PBX1: variants seen among roughly 807,000 people sequenced by gnomAD.
The protein encoded by PBX1 is PBX homeobox 1.
A neutral mutation model predicts 53.4 loss-of-function variants in PBX1; 6 were observed. That is an observed-to-expected ratio of 0.11 (90% CI 0.06 to 0.22). The LOEUF (loss-of-function observed/expected upper bound fraction) is 0.22, where lower values mean the gene tolerates loss of function less well. Among genes scored for constraint, PBX1 ranks in the 10% least tolerant of loss-of-function variants. The probability of loss-of-function intolerance (pLI) is 1.00; values close to 1 mark genes in which losing one functional copy is unlikely to be tolerated. For synonymous variants in PBX1, 204 were observed against 212.3 expected, an observed-to-expected ratio of 0.96 and a Z score of 0.34; for missense variants, 251 against 551.4, an observed-to-expected ratio of 0.46 and a Z score of 5.46.
At chr1:164,701,107 A>G (rs1780346) in intron 2 of PBX1, among the ~76,000 whole-genome samples, 34,870 of 152,108 alleles carry the variant, frequency 0.23, 4,270 homozygotes, top group East Asian at 0.46. Context: ...TCCAACTCCT[A>G]ATCTTTTCAG....
At chr1:164,600,019 C>T (rs1012793336) in intron 2 of PBX1, among the ~76,000 whole-genome samples, 1 of 152,248 alleles carries the variant, frequency 6.6e-6, no homozygotes. Flanking sequence ...AGACCCAAAT[C>T]GTCCTGGCAT....
intron 8 of PBX1, among the ~76,000 whole-genome samples, chr1:164,833,513 G>A (rs1670871969): frequency 6.6e-6 from 1 of 152,136 alleles, no homozygotes; most frequent in South Asian, 2.1e-4. Context: ...ACCTAGCTCA[G>A]GCCTATCTTC....
intron 2 of PBX1, chr1:164,683,243 T>A (rs1438597074): frequency 2.0e-5 from 3 of 152,206 alleles, no homozygotes; most frequent in African/African-American, 7.2e-5. Context: ...AAGTGGTATG[T>A]CCTGAGACAG....
At chr1:164,623,629 T>TA (rs1657838294) in intron 2 of PBX1, among the ~76,000 whole-genome samples, 1 of 152,176 alleles carries the variant, frequency 6.6e-6, no homozygotes, top group Admixed American at 6.5e-5. Flanking sequence ...GCATCTCCTC[T>TA]CTGTGCTTGC....
rs1571552204 is a variant in PBX1 at position 164,875,807 on chromosome 1, A to T, written n.258-23381A>T. ...TTTGCATGATTTTCATGTCTGTCAC[A>T]GAACTGGAATGTAATCTTGTATTGG... On this transcript the variant is annotated intron_variant and non_coding_transcript_variant, in intron 2 of 2. Coordinates refer to the PBX1 transcript ENST00000558796. Among the ~76,000 whole-genome samples the T allele has an allele frequency of 2.6e-5, 4 of 152,156 alleles. No individual in the cohort carries two copies. In the East Asian group the frequency reaches 7.7e-4, roughly 29 times the overall value.
intron 2 of PBX1, among the ~76,000 whole-genome samples, chr1:164,686,224 CTT>C (rs949253581): frequency 3.9e-5 from 6 of 152,318 alleles, no homozygotes; most frequent in Admixed American, 2.0e-4. Context: ...CCACTGTACT[CTT>C]TTCAGATGAA....
chr1:164,602,785 C>T (rs1302584106), intron 2 of PBX1, among the ~76,000 whole-genome samples: 2 of 151,810 alleles, frequency 1.3e-5, no homozygotes, highest in South Asian at 4.2e-4. Context: ...GGGGAGCTCT[C>T]TAGGCACCTA....
At chr1:164,632,527 A>G (rs774391792) in intron 2 of PBX1, among the ~76,000 whole-genome samples, 2 of 152,162 alleles carry the variant, frequency 1.3e-5, no homozygotes, top group Non-Finnish European at 2.9e-5. Flanking sequence ...AACCTTGAGT[A>G]TATAGTTTCA....
At chr1:164,842,024 A>G (rs908304104) in intron 8 of PBX1, among the ~76,000 whole-genome samples, 3 of 152,218 alleles carry the variant, frequency 2.0e-5, no homozygotes, top group Non-Finnish European at 4.4e-5. Context: ...GGGCTGTCAC[A>G]TCAGGTGATG....
chr1:164,707,232 A>C (rs1167758092), intron 2 of PBX1, among the ~76,000 whole-genome samples: 1 of 152,180 alleles, frequency 6.6e-6, no homozygotes, highest in African/African-American at 2.4e-5. Flanking sequence ...AAATCTTCCC[A>C]AGGTTTTAAC....
chr1:164,584,363 A>AAGAGAGAG (rs61298874), intron 2 of PBX1, among the ~76,000 whole-genome samples: 1 of 147,916 alleles, frequency 6.8e-6, no homozygotes, highest in Admixed American at 6.7e-5. Flanking sequence ...GAGAGAGAGA[A>AAGAGAGAG]AGAGAGAGAG....
Position 164,849,036 on chromosome 1 carries a change from G to A in PBX1, c.*2360G>A. On this transcript the variant is annotated 3_prime_UTR_variant, in exon 9 of 9. Transcript: ENST00000420696. ...TTTTGTGACAACTTCATAGTGATTA[G>A]AATCAGTGGAGAACTCCATCTTAGT... 2 of 1,238,240 alleles carry A rather than the reference G, an allele frequency of 1.6e-6. No individual in the cohort carries two copies. Among genetic ancestry groups the A allele is most frequent in the Non-Finnish European group, 2.0e-6 (2 of 983,576 alleles). The allele number at this position is 1,238,240 out of a possible 1,614,324, so 76.7% of individuals were successfully genotyped here.
In PBX1 at chr1:164,849,473, T is replaced by C. The variant is rs1190994237; in HGVS notation, c.*2797T>C. The C allele has an allele frequency of 1.3e-6, 2 of 1,532,458 alleles. No individual in the cohort carries two copies. The highest frequency in any genetic ancestry group is 2.4e-5 in the East Asian group (1 of 40,846). 94.9% of individuals were successfully genotyped at this position (1,532,458 alleles called of 1,614,324 possible). On this transcript the variant is annotated 3_prime_UTR_variant, in exon 9 of 9. Coordinates refer to ENST00000420696, the MANE Select transcript of PBX1 (RefSeq NM_002585.4). ...GATGGGTTTGGAAAGAGCATGCCTCTGGAAACACAGCTTCCTGGGAATTCA... is the reference window on the plus strand; with the variant it reads ...GATGGGTTTGGAAAGAGCATGCCTCCGGAAACACAGCTTCCTGGGAATTCA...
At chr1:164,580,997 A>C (rs1395104728) in intron 2 of PBX1, among the ~76,000 whole-genome samples, 1 of 152,162 alleles carries the variant, frequency 6.6e-6, no homozygotes, top group Admixed American at 6.5e-5. Context: ...GAAGTCCAGC[A>C]TTTTGACAGA....
intron 8 of PBX1, among the ~76,000 whole-genome samples, chr1:164,845,963 A>G (rs1389790244): frequency 6.6e-6 from 1 of 152,164 alleles, no homozygotes; most frequent in Non-Finnish European, 1.5e-5. Flanking sequence ...CTTCATAGCA[A>G]TGGGACTCTA....
chr1:164,648,309 G>A (rs1486647656), intron 2 of PBX1, among the ~76,000 whole-genome samples: 1 of 152,174 alleles, frequency 6.6e-6, no homozygotes, highest in East Asian at 1.9e-4. Context: ...CCAAGCTCTA[G>A]GTTATTCTTA....
chr1:164,755,260 C>T (rs1666449488), intron 2 of PBX1, among the ~76,000 whole-genome samples: 1 of 152,188 alleles, frequency 6.6e-6, no homozygotes, highest in Non-Finnish European at 1.5e-5. Flanking sequence ...AAGCGATTCT[C>T]CTGCCTCTGC....
chr1:164,731,247 A>T (rs544510106), intron 2 of PBX1, among the ~76,000 whole-genome samples: 110 of 140,536 alleles, frequency 7.8e-4, no homozygotes, highest in Non-Finnish European at 1.4e-3. Context: ...CCATTTTCCT[A>T]CCCTCTGCTT....
chr1:164,738,177 A>C (rs1405393629), intron 2 of PBX1, among the ~76,000 whole-genome samples: 1 of 152,174 alleles, frequency 6.6e-6, no homozygotes, highest in Non-Finnish European at 1.5e-5. Context: ...GATCATTTAC[A>C]GTTTGGGGTT....
Sources: allele counts gnomAD v4.1 joint callset (sites outside exome capture counted in the v4.1 genomes callset), GRCh38; gene constraint gnomAD v4.1.1; transcripts MANE v1.5; gene names NCBI Gene and HGNC (gene_info 2026-07-23, HGNC 2026-07-21).